The following HIBCH variants were observed in gnomAD, a reference collection of about 807,000 sequenced individuals.
The protein encoded by HIBCH is 3-hydroxyisobutyryl-CoA hydrolase, mitochondrial.
Under a neutral mutation model 58.2 loss-of-function variants are expected in HIBCH, and 50 were observed. That is an observed-to-expected ratio of 0.86 (90% CI 0.68 to 1.09). The LOEUF is 1.09. HIBCH is among the 50% of genes least tolerant of loss of function. The probability of loss-of-function intolerance (pLI) is 0.00; values close to 1 mark genes in which losing one functional copy is unlikely to be tolerated. For missense variants in HIBCH, 450 were observed against 449.7 expected, an observed-to-expected ratio of 1.00 and a Z score of -0.01; for synonymous variants, 151 against 146.9, an observed-to-expected ratio of 1.03 and a Z score of -0.20.
chr2:190,231,946 A>G (rs1686110371), intron 11 of HIBCH, among the ~76,000 whole-genome samples: 1 of 152,206 alleles, frequency 6.6e-6, no homozygotes, highest in Non-Finnish European at 1.5e-5. Context: ...ATGTAATCCT[A>G]ACACTTTGGG....
intron 7 of HIBCH, among the ~76,000 whole-genome samples, chr2:190,257,813 C>T (rs903292207): frequency 6.6e-6 from 1 of 152,158 alleles, no homozygotes; most frequent in Admixed American, 6.5e-5. Flanking sequence ...GAAGTCATCC[C>T]TGTATCGGGA....
downstream of HIBCH, chr2:190,199,683 C>CCTT: frequency 1.4e-6 from 2 of 1,409,652 alleles, no homozygotes; most frequent in Non-Finnish European, 1.8e-6. Context: ...ATGAAACCTA[C>CCTT]CTTCTCTTGA....
At chr2:190,311,642 C>G (rs1022620284) in intron 1 of HIBCH, among the ~76,000 whole-genome samples, 3 of 152,036 alleles carry the variant, frequency 2.0e-5, no homozygotes, top group African/African-American at 7.2e-5. Context: ...AGAAATATGA[C>G]CAAAGTCTGA....
chr2:190,294,603 G>C lies in HIBCH; in HGVS notation c.247C>G (p.Leu83Val), dbSNP rs1058181. Residue 83 changes from leucine (L) to valine (V), a missense_variant, in exon 4 of 14, where the codon CTG (leucine) becomes GTG (valine). Leu to Val is a conservative substitution (Grantham distance 32). Coordinates refer to ENST00000359678, the MANE Select transcript of HIBCH (RefSeq NM_014362.4). Reference protein sequence around the residue: ...KKWEQDPETFLIIIKGAGGKA... With the variant: ...KKWEQDPETFVIIIKGAGGKA... ...CCTCCTGCTCCCTTTATAATGATCA[G>C]GAAAGTTTCAGGATCTTGTTCCCAC... 1 of 1,612,524 alleles carries C rather than the reference G, an allele frequency of 6.2e-7. No homozygotes were observed. Among genetic ancestry groups the C allele is most frequent in the East Asian group, 2.2e-5 (1 of 44,826 alleles).
chr2:190,319,095 G>C lies in HIBCH; in HGVS notation c.35+621C>G, dbSNP rs574632477. On this transcript the variant is annotated intron_variant, in intron 1 of 13. Transcript: ENST00000359678. ...ATGACAGTACAGGGCCAGGCAGTGG[G>C]CTGTTTAAGGCGCATGCAGCCTAAA... 2.0e-5 allele frequency among the ~76,000 whole-genome samples: 3 copies of C among 152,330 alleles called. No individual in the cohort carries two copies. In the South Asian group the frequency reaches 6.2e-4, roughly 32 times the overall value.
Position 190,216,655 on chromosome 2 carries a change from G to T in HIBCH, c.892-3580C>A, listed in dbSNP as rs544657652. 1.3e-5 allele frequency among the ~76,000 whole-genome samples: 2 copies of T among 152,184 alleles called. No homozygotes were observed. The highest frequency in any genetic ancestry group is 4.8e-5 in the African/African-American group (2 of 41,450). ...GGCCAGAATTCTTTTTATCTAAAATGGGATTTTTAAATGCTGGTTATCAGT... is the reference window on the plus strand; with the variant it reads ...GGCCAGAATTCTTTTTATCTAAAATTGGATTTTTAAATGCTGGTTATCAGT... On this transcript the variant is annotated intron_variant, in intron 11 of 13. Transcript: ENST00000359678. The surrounding 1 kb of genome is among the most constrained non-coding windows in gnomAD (Gnocchi z 4.2).
chr2:190,259,174 G>A (rs1044525259), intron 7 of HIBCH, among the ~76,000 whole-genome samples: 4 of 152,110 alleles, frequency 2.6e-5, no homozygotes. Context: ...GATTTTGATA[G>A]GGATTACACT....
chr2:190,229,509 T>C (rs1686025632), intron 11 of HIBCH, among the ~76,000 whole-genome samples: 1 of 152,200 alleles, frequency 6.6e-6, no homozygotes, highest in Non-Finnish European at 1.5e-5. Flanking sequence ...TTCTAAAAAC[T>C]TTCTTTGAAC....
chr2:190,256,876 T>C (rs1381579825), intron 7 of HIBCH, among the ~76,000 whole-genome samples: 2 of 152,088 alleles, frequency 1.3e-5, no homozygotes, highest in Non-Finnish European at 2.9e-5. Context: ...TTAGATCTTG[T>C]AGAAGAGAAG....
At chr2:190,291,593 C>T (rs932529320) in intron 4 of HIBCH, among the ~76,000 whole-genome samples, 38 of 152,182 alleles carry the variant, frequency 2.5e-4, no homozygotes, top group African/African-American at 9.2e-4. Flanking sequence ...AAATAATATA[C>T]TGACATTCTT....
intron 6 of HIBCH, among the ~76,000 whole-genome samples, chr2:190,287,058 G>GTGTGTGTGTATA (rs10662510): frequency 4.7e-5 from 7 of 147,790 alleles, no homozygotes; most frequent in African/African-American, 1.0e-4. Context: ...GTGTGTGTGT[G>GTGTGTGTGTATA]TATACATATA....
At chr2:190,249,473 A>G (rs1381326042) in intron 9 of HIBCH, among the ~76,000 whole-genome samples, 167 bp downstream of exon 9, 2 of 152,212 alleles carry the variant, frequency 1.3e-5, no homozygotes, top group African/African-American at 4.8e-5. Context: ...TTAGCTGGCT[A>G]TACTAACAAC....
chr2:190,230,831 C>T lies in HIBCH; in HGVS notation c.891+14056G>A, dbSNP rs151035282. The stretch of plus-strand genomic sequence containing the variant: ...GAACAGGGAAAACAGGAAACCTTTC[C>T]TACTTTGTTGTATGAGTCTAGCATA... On this transcript the variant is annotated intron_variant, in intron 11 of 13. Transcript: ENST00000359678. Among the ~76,000 whole-genome samples, 509 of 152,244 alleles carry T rather than the reference C, an allele frequency of 3.3e-3. 3 individuals are homozygous for T. The highest frequency in any genetic ancestry group is 0.014 in the Middle Eastern group (4 of 294).
At position 190,211,815 on chromosome 2, in the gene HIBCH, A is replaced by C. The variant is rs1690517035; in HGVS notation, c.1011+1141T>G. Among the ~76,000 whole-genome samples, 1 of 152,240 alleles carries C rather than the reference A, an allele frequency of 6.6e-6. No homozygotes were observed. The highest frequency in any genetic ancestry group is 2.1e-4 in the South Asian group (1 of 4,832). On this transcript the variant is annotated intron_variant, in intron 12 of 13. Transcript: ENST00000359678. This position sits in a 1 kb window ranked among gnomAD's most constrained non-coding sequence, Gnocchi z 5.0. ...AAAGGACTGTGTCTTCTTATTCAAC[A>C]ATATAAGGCTAACACTGAGCACAGT...
At chr2:190,261,537 A>G (rs1687088276) in intron 6 of HIBCH, among the ~76,000 whole-genome samples, 1 of 152,026 alleles carries the variant, frequency 6.6e-6, no homozygotes, top group South Asian at 2.1e-4. Context: ...TAAGTAACCT[A>G]CGATTTTTTT....
At chr2:190,227,193 A>C (rs1391723801) in intron 11 of HIBCH, among the ~76,000 whole-genome samples, 1 of 152,236 alleles carries the variant, frequency 6.6e-6, no homozygotes, top group African/African-American at 2.4e-5. Context: ...ACAAGGCTAC[A>C]GTAACCCAAA....
chr2:190,243,067 T>C lies in HIBCH; in HGVS notation c.891+1820A>G, dbSNP rs1039577395. 3.3e-5 allele frequency among the ~76,000 whole-genome samples: 5 copies of C among 152,204 alleles called. No homozygotes were observed. Among genetic ancestry groups the C allele is most frequent in the Non-Finnish European group, 5.9e-5 (4 of 68,034 alleles). On this transcript the variant is annotated intron_variant, in intron 11 of 13. Transcript: ENST00000359678. This position sits in a 1 kb window ranked among gnomAD's most constrained non-coding sequence, Gnocchi z 4.1. Reference sequence around the variant, plus strand: ...ATACTGAGTGTCAACTTGACTGGACTGAAGGATACAAAGTATTGATCCTGG... The same window carrying C: ...ATACTGAGTGTCAACTTGACTGGACCGAAGGATACAAAGTATTGATCCTGG...
At chr2:190,290,068 G>C (rs567832656) in intron 5 of HIBCH, among the ~76,000 whole-genome samples, 1 of 151,964 alleles carries the variant, frequency 6.6e-6, no homozygotes, top group Non-Finnish European at 1.5e-5. Flanking sequence ...TAGTAGAGAC[G>C]GGGTTTCAGC....
At chr2:190,305,467 A>T (rs1197185749) in intron 2 of HIBCH, among the ~76,000 whole-genome samples, 3 of 152,142 alleles carry the variant, frequency 2.0e-5, no homozygotes, top group African/African-American at 2.4e-5. Context: ...TCCTGTGTAC[A>T]TGACTATCTG....
Sources: gnomAD v4.1 joint callset for allele counts (sites outside exome capture counted in the v4.1 genomes callset) on GRCh38, gnomAD v4.1.1 for gene constraint, Gnocchi (gnomAD v3.1) non-coding constraint, MANE v1.5 for transcripts, NCBI Gene and HGNC (gene_info 2026-07-23, HGNC 2026-07-21) for gene names.